Variants in RAB6A observed in about 807,000 individuals in gnomAD.
RAB6A encodes ras-related protein Rab-6A.
Under a neutral mutation model 32.3 loss-of-function variants are expected in RAB6A, and 8 were observed. The observed-to-expected ratio is 0.25, with a 90% CI of 0.15 to 0.45. The LOEUF (loss-of-function observed/expected upper bound fraction) is 0.45. RAB6A is among the 20% of genes least tolerant of loss of function. The pLI is 1.00. For synonymous variants in RAB6A, 73 were observed against 82.1 expected, an observed-to-expected ratio of 0.89 and a Z score of 0.60; for missense variants, 104 against 249.4, an observed-to-expected ratio of 0.42 and a Z score of 3.93.
intron 1 of RAB6A, among the ~76,000 whole-genome samples, chr11:73,753,805 G>GC (rs888304655): frequency 1.1e-4 from 17 of 152,132 alleles, no homozygotes; most frequent in African/African-American, 3.4e-4. Flanking sequence ...GAGCCACCAC[G>GC]CCCAGCCTTA....
chr11:73,724,924 C>G (rs1946193997), intron 2 of RAB6A, among the ~76,000 whole-genome samples: 2 of 152,020 alleles, frequency 1.3e-5, no homozygotes, highest in African/African-American at 2.4e-5. Flanking sequence ...TGCTATATAC[C>G]CAGGATGCAG....
In RAB6A at chr11:73,715,976, TA is replaced by T. The variant is rs1259010341; in HGVS notation, c.401+274del. Among the ~76,000 whole-genome samples, 4 of 152,190 alleles carry T rather than the reference TA, an allele frequency of 2.6e-5. 1 individual carries two copies. On this transcript the variant is annotated intron_variant, in intron 5 of 7. Transcript: ENST00000336083. ...AAACACTTTTCATACTTATGAGATC[TA>T]AAAAAAGCAAAATATTTACTGGCTT...
intron 6 of RAB6A, among the ~76,000 whole-genome samples, chr11:73,686,284 A>G (rs901745535): frequency 1.3e-5 from 2 of 152,016 alleles, no homozygotes; most frequent in African/African-American, 2.4e-5. Context: ...GGCTGGGTGC[A>G]GTGGCTCACG....
chr11:73,726,581 C>A (rs78394268), intron 2 of RAB6A, among the ~76,000 whole-genome samples: 120 of 29,818 alleles, frequency 4.0e-3, no homozygotes, highest in South Asian at 6.0e-3. Context: ...GACTCTGTCT[C>A]AAAAAAAAAA....
chr11:73,749,733 G>A (rs1288802118), intron 1 of RAB6A, among the ~76,000 whole-genome samples: 1 of 152,186 alleles, frequency 6.6e-6, no homozygotes, highest in Non-Finnish European at 1.5e-5. Flanking sequence ...GTGGTGGTAT[G>A]TGCCTATAGT....
At chr11:73,757,807 G>A (rs936040268) in intron 1 of RAB6A, among the ~76,000 whole-genome samples, 1 of 152,004 alleles carries the variant, frequency 6.6e-6, no homozygotes, top group Non-Finnish European at 1.5e-5. Context: ...TGTAACATAG[G>A]CTACTAGCTT....
At chr11:73,723,114 A>T (rs749944933) in intron 2 of RAB6A, among the ~76,000 whole-genome samples, 77 of 151,998 alleles carry the variant, frequency 5.1e-4, no homozygotes, top group Non-Finnish European at 9.7e-4. Context: ...CAGCTTGCTC[A>T]TCAAATATTT....
chr11:73,711,516 A>G (rs949071556), intron 5 of RAB6A, among the ~76,000 whole-genome samples: 7 of 152,150 alleles, frequency 4.6e-5, no homozygotes, highest in Non-Finnish European at 1.0e-4. Flanking sequence ...TTTTGTGGGC[A>G]CCTGCGTTGT....
At chr11:73,760,509 G>C in intron 1 of RAB6A, 57 bp downstream of exon 1, 1 of 1,538,376 alleles carries the variant, frequency 6.5e-7, no homozygotes. Context: ...GGCCGCACCG[G>C]GGGCGGTGCG....
chr11:73,688,019 T>G (rs934238525), intron 6 of RAB6A, among the ~76,000 whole-genome samples: 1 of 152,194 alleles, frequency 6.6e-6, no homozygotes, highest in African/African-American at 2.4e-5. Flanking sequence ...AGGCACCTTA[T>G]GCTGGTTTGT....
chr11:73,743,041 C>T (rs961058564), intron 1 of RAB6A, among the ~76,000 whole-genome samples: 4 of 152,056 alleles, frequency 2.6e-5, no homozygotes, highest in Non-Finnish European at 5.9e-5. Flanking sequence ...CGGTGGCTCA[C>T]GCCTGTAATC....
At chr11:73,722,313 A>ATGTGTGTG (rs1946146958) in intron 2 of RAB6A, 2 of 50,208 alleles carry the variant, frequency 4.0e-5, no homozygotes, top group South Asian at 1.9e-3. Context: ...GTGTATATAT[A>ATGTGTGTG]TATATATATA....
intron 6 of RAB6A, 123 bp downstream of exon 6, chr11:73,707,297 A>G: frequency 1.6e-6 from 1 of 643,654 alleles, no homozygotes; most frequent in East Asian, 2.7e-5. Context: ...CACTGTTTGA[A>G]AATATACTGC....
Position 73,722,518 on chromosome 11 carries a change from A to G in RAB6A, c.130-1619T>C, listed in dbSNP as rs1024361624. ...CCCACTAATTTCTGTATTTTTTTAT[A>G]GAGACAGGGTTTTGCCATGTTGTCC... On this transcript the variant is annotated intron_variant, in intron 2 of 7. Coordinates refer to ENST00000336083, the MANE Select transcript of RAB6A (RefSeq NM_198896.2). 3.3e-5 allele frequency: 5 copies of G among 151,018 alleles called. No homozygotes were observed. The East Asian group carries it at 7.8e-4, about 24-fold the overall frequency. 9.4% of individuals were successfully genotyped at this position (151,018 alleles called of 1,614,324 possible). A position where few individuals can be genotyped will look rare whatever the true frequency, so the allele number is the denominator to read the frequency against.
chr11:73,676,629 T>TA lies in RAB6A; in HGVS notation c.*1268dup, dbSNP rs777296083. On this transcript the variant is annotated 3_prime_UTR_variant, in exon 8 of 8. Transcript: ENST00000336083. ...TGAAAGACCCAACCTTAAAAAATGC[T>TA]AAAAAATAAGGCATAAATCTGCATA... 3 of 166,994 alleles carry TA rather than the reference T, an allele frequency of 1.8e-5. No individual in the cohort carries two copies. The highest frequency in any genetic ancestry group is 7.2e-5 in the African/African-American group (3 of 41,426). The allele number at this position is 166,994 out of a possible 1,614,324, so 10.3% of individuals were successfully genotyped here.
rs183331876 is a variant in RAB6A at position 73,695,030 on chromosome 11, A to T, written c.495+12390T>A. On this transcript the variant is annotated intron_variant, in intron 6 of 7. Transcript: ENST00000336083. ...ACTGTGTCTCAAAAAATAAAAAAAA[A>T]TTAAAAATAAAAATATATCCAAATT... 3.2e-3 allele frequency among the ~76,000 whole-genome samples: 487 copies of T among 152,218 alleles called. 5 individuals carry two copies. The highest frequency in any genetic ancestry group is 0.011 in the African/African-American group (461 of 41,566).
intron 6 of RAB6A, among the ~76,000 whole-genome samples, chr11:73,683,879 T>G (rs1565344532): frequency 1.3e-5 from 2 of 152,274 alleles, no homozygotes; most frequent in South Asian, 4.1e-4. Flanking sequence ...AAAGAAGTTC[T>G]ACTATGGGTA....
At chr11:73,679,834 G>C (rs1945326894) in intron 6 of RAB6A, 114 bp from the exon 7 acceptor site, 2 of 1,383,456 alleles carry the variant, frequency 1.4e-6, no homozygotes, top group South Asian at 1.2e-5. Context: ...GCTCACACCT[G>C]TAATCCCAGC....
At chr11:73,734,758 C>T (rs188143634) in intron 1 of RAB6A, among the ~76,000 whole-genome samples, 1 of 152,066 alleles carries the variant, frequency 6.6e-6, no homozygotes, top group Non-Finnish European at 1.5e-5. Flanking sequence ...TGCCGTGAGG[C>T]CTGGTTCCTA....
Sources: gnomAD v4.1 joint callset for allele counts (sites outside exome capture counted in the v4.1 genomes callset) on GRCh38, gnomAD v4.1.1 for gene constraint, MANE v1.5 for transcripts, NCBI Gene and HGNC (gene_info 2026-07-23, HGNC 2026-07-21) for gene names.